NPSR1: variants seen among roughly 807,000 people sequenced by gnomAD.
NPSR1 encodes neuropeptide S receptor.
Under a neutral mutation model 46.9 loss-of-function variants are expected in NPSR1, and 48 were observed. That is an observed-to-expected ratio of 1.02 (90% confidence interval 0.81 to 1.30). NPSR1 has a LOEUF of 1.30. Ranked by LOEUF, NPSR1 falls within the 50% of genes most tolerant of loss-of-function variation. The pLI, the probability that NPSR1 is intolerant of heterozygous loss-of-function variation, is 0.00. For synonymous variants in NPSR1, 176 were observed against 168.1 expected (o/e 1.05, Z -0.36); for missense variants, 450 against 449.5 (o/e 1.00, Z -0.01).
intron 2 of NPSR1, among the ~76,000 whole-genome samples, chr7:34,762,507 A>T (rs751382977): frequency 2.0e-4 from 31 of 152,226 alleles, no homozygotes; most frequent in Non-Finnish European, 3.7e-4. Flanking sequence ...GTTCTTCAAG[A>T]CTTGTGCCAT....
rs114713094 is a variant in NPSR1 at position 34,676,004 on chromosome 7, C to G, written c.148-8548C>G. On this transcript the variant is annotated intron_variant, in intron 1 of 8. Transcript: ENST00000360581. ...CAATAGTTTGGGGGTTGTGTTGGGA[C>G]ACCATCAGCACAGTGTGGTGGGGGG... Among the ~76,000 whole-genome samples, 770 of 152,238 alleles carry G rather than the reference C, an allele frequency of 5.1e-3. 6 individuals carry two copies. The highest frequency in any genetic ancestry group is 0.018 in the African/African-American group (746 of 41,556).
chr7:34,679,343 G>A (rs1441000997), intron 1 of NPSR1, among the ~76,000 whole-genome samples: 1 of 152,008 alleles, frequency 6.6e-6, no homozygotes, highest in Non-Finnish European at 1.5e-5. Flanking sequence ...ATACTTGGTA[G>A]CAAATGAAAC....
intron 1 of NPSR1, among the ~76,000 whole-genome samples, chr7:34,673,763 A>G (rs996223140): frequency 4.6e-5 from 7 of 152,238 alleles, no homozygotes; most frequent in African/African-American, 1.7e-4. Context: ...TTGAGCTAAC[A>G]ACCACATTTA....
At chr7:34,674,392 C>A (rs1437695338) in intron 1 of NPSR1, among the ~76,000 whole-genome samples, 2 of 152,152 alleles carry the variant, frequency 1.3e-5, no homozygotes, top group Admixed American at 6.6e-5. Flanking sequence ...TGTGACTGAT[C>A]CCTAATAAAA....
intron 8 of NPSR1, among the ~76,000 whole-genome samples, chr7:34,868,619 T>C (rs1791377157): frequency 6.6e-6 from 1 of 151,586 alleles, no homozygotes; most frequent in Non-Finnish European, 1.5e-5. Flanking sequence ...AACCTCCCAC[T>C]AAGGGAAGAA....
At chr7:34,697,442 A>G (rs1348320137) in intron 2 of NPSR1, among the ~76,000 whole-genome samples, 1 of 146,260 alleles carries the variant, frequency 6.8e-6, no homozygotes, top group African/African-American at 2.6e-5. Flanking sequence ...GTTTATATAT[A>G]GAGTTATTCC....
chr7:34,729,079 A>C (rs963740891), intron 2 of NPSR1, among the ~76,000 whole-genome samples: 1 of 152,152 alleles, frequency 6.6e-6, no homozygotes, highest in Non-Finnish European at 1.5e-5. Flanking sequence ...TCAGAGGTTC[A>C]GCTCTGAACA....
rs149249204 is a variant in NPSR1, at chr7:34,667,816, C to T, written c.147+9257C>T. Among the ~76,000 whole-genome samples, 12 of 151,884 alleles carry T rather than the reference C, an allele frequency of 7.9e-5. No individual in the cohort carries two copies. In the East Asian group the frequency reaches 2.1e-3, roughly 27 times the overall value. On this transcript the variant is annotated intron_variant, in intron 1 of 8. Transcript: ENST00000360581. The stretch of plus-strand genomic sequence containing the variant: ...GCATTCAGCTTGGACTTTGCACGCT[C>T]AGTTTTTAAAAAACAGTTCTGTCTC...
chr7:34,860,276 C>A (rs370470636), intron 8 of NPSR1, among the ~76,000 whole-genome samples: 8 of 151,724 alleles, frequency 5.3e-5, no homozygotes, highest in South Asian at 2.1e-4. Context: ...TCTAGAGCAG[C>A]CATTCTTAAA....
At chr7:34,750,553 C>T (rs1785467387) in intron 2 of NPSR1, 1 of 698,686 alleles carries the variant, frequency 1.4e-6, no homozygotes, top group African/African-American at 1.8e-5. Context: ...TCTCAAGCTC[C>T]TCAATCCCAT....
chr7:34,841,833 A>G (rs951603522), intron 6 of NPSR1, among the ~76,000 whole-genome samples: 1 of 152,180 alleles, frequency 6.6e-6, no homozygotes, highest in Admixed American at 6.5e-5. Flanking sequence ...TAGTCTTCAG[A>G]GCCATACTGT....
chr7:34,786,499 T>TAGAATAGAAAAA (rs1787473435), intron 3 of NPSR1, among the ~76,000 whole-genome samples: 1 of 152,138 alleles, frequency 6.6e-6, no homozygotes, highest in Admixed American at 6.6e-5. Context: ...ACATTCACCT[T>TAGAATAGAAAAA]CTCCCATAAA....
At chr7:34,770,406 T>C (rs1258130497) in intron 2 of NPSR1, among the ~76,000 whole-genome samples, 3 of 152,182 alleles carry the variant, frequency 2.0e-5, no homozygotes, top group Admixed American at 2.0e-4. Context: ...TTTGACACTT[T>C]GGATTATAGA....
chr7:34,846,405 A>G (rs1790742390), intron 7 of NPSR1, among the ~76,000 whole-genome samples: 1 of 152,200 alleles, frequency 6.6e-6, no homozygotes, highest in African/African-American at 2.4e-5. Context: ...CCACCTTGAA[A>G]TAAAATGCCT....
intron 2 of NPSR1, among the ~76,000 whole-genome samples, chr7:34,717,193 C>T (rs1011096735): frequency 7.2e-5 from 11 of 152,162 alleles, no homozygotes; most frequent in Admixed American, 4.6e-4. Context: ...AGTGCAATAG[C>T]GCGAACTCAG....
rs180878880 is a variant in NPSR1 at position 34,831,012 on chromosome 7, A to G, written c.681-3372A>G. Among the ~76,000 whole-genome samples the G allele has an allele frequency of 6.8e-3, 1,037 of 152,242 alleles. 10 individuals carry two copies. Among genetic ancestry groups the G allele is most frequent in the African/African-American group, 0.023 (971 of 41,544 alleles). On this transcript the variant is annotated intron_variant, in intron 5 of 8. Coordinates refer to ENST00000360581, the MANE Select transcript of NPSR1 (RefSeq NM_207172.2). ...GTCTCATTTCCAATACCAACTCCACAGTAGAGCTTCCCTTGCCAACCCTGG... is the reference window on the plus strand; with the variant it reads ...GTCTCATTTCCAATACCAACTCCACGGTAGAGCTTCCCTTGCCAACCCTGG...
intron 6 of NPSR1, among the ~76,000 whole-genome samples, chr7:34,841,541 C>G (rs1462395986): frequency 6.6e-6 from 1 of 152,240 alleles, no homozygotes; most frequent in African/African-American, 2.4e-5. Flanking sequence ...CTTTTCACTG[C>G]AGCTCAGCAC....
chr7:34,845,504 G>A (rs905338824), intron 7 of NPSR1: 59 of 447,822 alleles, frequency 1.3e-4, no homozygotes, highest in African/African-American at 1.2e-3. Context: ...TTTCCTGTCT[G>A]AAATGCTCTG....
At chr7:34,822,151 G>A (rs998404697) in intron 4 of NPSR1, among the ~76,000 whole-genome samples, 2 of 152,182 alleles carry the variant, frequency 1.3e-5, no homozygotes, top group African/African-American at 4.8e-5. Context: ...TATAGGGTGA[G>A]GGCAGCCGGT....
Sources: allele counts gnomAD v4.1 joint callset (sites outside exome capture counted in the v4.1 genomes callset), GRCh38; gene constraint gnomAD v4.1.1; transcripts MANE v1.5; gene names NCBI Gene and HGNC (gene_info 2026-07-23, HGNC 2026-07-21).